The following DCP2 variants were observed in gnomAD, a reference collection of about 807,000 sequenced individuals.
The protein encoded by DCP2 is m7GpppN-mRNA hydrolase.
A neutral mutation model predicts 56.1 loss-of-function variants in DCP2; 30 were observed. The observed-to-expected ratio is 0.53, with a 90% CI of 0.40 to 0.73. The LOEUF (loss-of-function observed/expected upper bound fraction) is 0.73. DCP2 is among the 30% of genes least tolerant of loss of function. The pLI, the probability that DCP2 is intolerant of heterozygous loss-of-function variation, is 0.00. For missense variants in DCP2, 533 were observed against 502.7 expected (o/e 1.06, Z -0.58); for synonymous variants, 197 against 163.3 (o/e 1.21, Z -1.57).
At chr5:113,010,576 G>A (rs1454557042) in intron 9 of DCP2, among the ~76,000 whole-genome samples, 180 bp from the exon 10 acceptor site, 2 of 152,080 alleles carry the variant, frequency 1.3e-5, no homozygotes, top group Non-Finnish European at 2.9e-5. Context: ...AAAATTTTAG[G>A]TGTGAAAAGT....
At chr5:112,978,751 C>T (rs10478100) in intron 1 of DCP2, among the ~76,000 whole-genome samples, 3,390 of 150,962 alleles carry the variant, frequency 0.022, 131 homozygotes, top group African/African-American at 0.077. Context: ...AGACGCACAT[C>T]AACCAATAGT....
intron 1 of DCP2, chr5:112,984,722 A>ATATATATATATATATATT (rs1328543744): frequency 1.1e-4 from 15 of 134,306 alleles, no homozygotes; most frequent in African/African-American, 4.4e-4. Context: ...ATATATATAT[A>ATATATATATATATATATT]TATTTGAGAC....
intron 4 of DCP2, among the ~76,000 whole-genome samples, chr5:112,997,306 A>G (rs764798777): frequency 1.4e-4 from 21 of 152,174 alleles, no homozygotes; most frequent in African/African-American, 3.1e-4. Flanking sequence ...AATAATCTCA[A>G]TTGTATTTTT....
chr5:112,993,348 G>A (rs1748684708), intron 4 of DCP2, among the ~76,000 whole-genome samples: 2 of 151,938 alleles, frequency 1.3e-5, no homozygotes, highest in African/African-American at 4.8e-5. Context: ...AATTTTTGCT[G>A]TTATGGCCAG....
chr5:112,977,055 C>G, intron 1 of DCP2, 69 bp downstream of exon 1: 1 of 1,277,426 alleles, frequency 7.8e-7, no homozygotes, highest in Non-Finnish European at 1.1e-6. Flanking sequence ...CCAGAGGCCT[C>G]TGGGTCTTCT....
intron 4 of DCP2, among the ~76,000 whole-genome samples, chr5:113,000,830 G>A (rs1225964792): frequency 1.3e-5 from 2 of 152,192 alleles, no homozygotes; most frequent in African/African-American, 2.4e-5. Context: ...GTGTGTGTTT[G>A]AATGTCAGCA....
chr5:112,992,377 A>G, intron 3 of DCP2, 129 bp downstream of exon 3: 1 of 1,238,594 alleles, frequency 8.1e-7, no homozygotes, highest in Non-Finnish European at 1.1e-6. Flanking sequence ...CTAAAAGGCC[A>G]AGCTTTGTAT....
chr5:113,001,446 T>C lies in DCP2; in HGVS notation c.675T>C (p.Phe225=). The C allele has an allele frequency of 1.2e-6, 2 of 1,613,914 alleles. No homozygotes were observed. Among genetic ancestry groups the C allele is most frequent in the Admixed American group, 1.7e-5 (1 of 60,002 alleles). Residue 225 remains phenylalanine (F), a synonymous_variant, in exon 6 of 11, where the codon TTT becomes TTC. Transcript: ENST00000389063. ...AACTTGGTTTGGCACCTAACAAATT[T>C]TTTATGGCCATTCCCTTTATCAGGT... The part of the protein sequence containing the change: ...KSKLGLAPNK[F]FMAIPFIRPL...
In DCP2 at chr5:113,001,375, A is replaced by G. The variant is rs765710158; in HGVS notation, c.604A>G (p.Ile202Val). Residue 202 changes from isoleucine to valine, a missense_variant, in exon 6 of 11, where the codon ATT becomes GTT. This residue lies in a region of DCP2 where 392 missense variants were observed against 346.6 expected (regional missense o/e 1.13). Transcript: ENST00000389063. ...REIRNIEWFS[I>V]EKLPCHRNDM... is the part of the protein sequence containing the mutation. Reference sequence around the variant, plus strand: ...GTTTCAGAACATTGAGTGGTTCTCTATTGAGAAATTGCCTTGTCATAGAAA... The same window carrying G: ...GTTTCAGAACATTGAGTGGTTCTCTGTTGAGAAATTGCCTTGTCATAGAAA... 5 of 1,613,142 alleles carry G rather than the reference A, an allele frequency of 3.1e-6. No individual in the cohort carries two copies. Among genetic ancestry groups the G allele is most frequent in the East Asian group, 2.2e-5 (1 of 44,876 alleles).
chr5:113,009,651 A>C (rs1179400829), intron 9 of DCP2, among the ~76,000 whole-genome samples: 1 of 145,674 alleles, frequency 6.9e-6, no homozygotes, highest in Non-Finnish European at 1.5e-5. Context: ...CAAATATTGA[A>C]GAAGATATTA....
At chr5:113,007,046 G>C (rs1255825878) in intron 8 of DCP2, among the ~76,000 whole-genome samples, 1 of 152,042 alleles carries the variant, frequency 6.6e-6, no homozygotes, top group Non-Finnish European at 1.5e-5. Context: ...GCTGAGGCAG[G>C]AGAATCGCTT....
intron 8 of DCP2, among the ~76,000 whole-genome samples, chr5:113,007,377 TTTCTTTC>T (rs1169230935): frequency 1.9e-3 from 23 of 11,810 alleles, no homozygotes; most frequent in Non-Finnish European, 4.7e-3. Flanking sequence ...TGTGGAAAGA[TTTCTTTC>T]TTTCTTTCTT....
rs1309794140 is a variant in DCP2, at chr5:113,015,802, G to A, written c.*2318G>A. On this transcript the variant is annotated 3_prime_UTR_variant, in exon 11 of 11. Coordinates refer to ENST00000389063, the MANE Select transcript of DCP2 (RefSeq NM_152624.6). ...CTCAAACCTGGGTAATAGTTTCTCA[G>A]TGTTCAGGTTACCTTGAGAAAGGCC... The A allele has an allele frequency of 6.6e-6, 1 of 152,648 alleles. No homozygotes were observed. Among genetic ancestry groups the A allele is most frequent in the African/African-American group, 2.4e-5 (1 of 41,464 alleles). The allele number at this position is 152,648 out of a possible 1,614,324, so 9.5% of individuals were successfully genotyped here. A position where few individuals can be genotyped will look rare whatever the true frequency, so the allele number is the denominator to read the frequency against.
At chr5:112,987,980 C>T (rs533947488) in intron 2 of DCP2, among the ~76,000 whole-genome samples, 16 of 152,184 alleles carry the variant, frequency 1.1e-4, no homozygotes, top group South Asian at 2.1e-4. Context: ...CCCACAAGTT[C>T]GTGTACTAGA....
chr5:112,978,053 C>T, intron 1 of DCP2, among the ~76,000 whole-genome samples: 1 of 152,102 alleles, frequency 6.6e-6, no homozygotes, highest in Non-Finnish European at 1.5e-5. Flanking sequence ...TCTTGGCTCA[C>T]TGCAACCTCT....
rs1379052926 is a variant in DCP2, at chr5:113,001,391, G to A, written c.620G>A (p.Cys207Tyr). The A allele has an allele frequency of 2.5e-6, 4 of 1,613,586 alleles. No individual in the cohort carries two copies. The South Asian group carries it at 4.4e-5, about 18-fold the overall frequency. The change falls in exon 6 of 11, where the codon TGT becomes TAT. Residue 207 changes from cysteine (C) to tyrosine (Y), a missense_variant. This residue lies in a region of DCP2 where 392 missense variants were observed against 346.6 expected (regional missense o/e 1.13). Transcript: ENST00000389063. ...TGGTTCTCTATTGAGAAATTGCCTT[G>A]TCATAGAAATGATATGACCCCCAAA... The part of the protein sequence containing the change: ...IEWFSIEKLP[C>Y]HRNDMTPKSK...
At chr5:112,982,089 C>G (rs935983657) in intron 1 of DCP2, among the ~76,000 whole-genome samples, 1 of 152,126 alleles carries the variant, frequency 6.6e-6, no homozygotes, top group Admixed American at 6.6e-5. Flanking sequence ...TTCTTGAAAT[C>G]CATTTTTTTG....
chr5:113,010,719 A>C (rs541348324), intron 9 of DCP2, 37 bp from the exon 10 acceptor site: 1 of 1,200,262 alleles, frequency 8.3e-7, no homozygotes, highest in Non-Finnish European at 1.1e-6. Flanking sequence ...ACTGTGTTGT[A>C]TGTGTGTGTG....
At chr5:112,991,074 C>G (rs533742048) in intron 2 of DCP2, among the ~76,000 whole-genome samples, 1 of 152,074 alleles carries the variant, frequency 6.6e-6, no homozygotes, top group African/African-American at 2.4e-5. Context: ...AGCTTTATTT[C>G]TGTTTTTAAT....
Sources: allele counts gnomAD v4.1 joint callset (sites outside exome capture counted in the v4.1 genomes callset), GRCh38; gene constraint gnomAD v4.1.1; regional missense constraint gnomAD v4.1.1; transcripts MANE v1.5; gene names NCBI Gene and HGNC (gene_info 2026-07-23, HGNC 2026-07-21).